The following SS18L1 variants were observed in gnomAD, a reference collection of about 807,000 sequenced individuals.
SS18L1 encodes SS18L1 subunit of BAF chromatin remodeling complex, also known as calcium-responsive transactivator.
Under a neutral mutation model 70.3 loss-of-function variants are expected in SS18L1, and 32 were observed. That is an observed-to-expected ratio of 0.46 (90% CI 0.34 to 0.61). The LOEUF is 0.61. Ranked by LOEUF, SS18L1 falls within the 20% of genes least tolerant of loss-of-function variation. SS18L1 has a pLI of 0.01. For synonymous variants in SS18L1, 237 were observed against 229.7 expected (o/e 1.03, Z -0.29); for missense variants, 430 against 542.1 (o/e 0.79, Z 2.05).
At chr20:62,170,788 CCT>C (rs1321767904) in intron 8 of SS18L1, among the ~76,000 whole-genome samples, 1 of 152,234 alleles carries the variant, frequency 6.6e-6, no homozygotes, top group African/African-American at 2.4e-5. Context: ...AGGCCTGGTC[CCT>C]GTGTGCTGGG....
rs34708339 is a variant in SS18L1 at position 62,150,633 on chromosome 20, A to ATTTTTTTTTTTTTTTTTT, written c.69+6764_69+6781dup. ...CGGAGCATAAGAAACATTGAGGTGGATTTTTTTTTTTTTTTTTTTTTTTTT... is the reference window on the plus strand; with the variant it reads ...CGGAGCATAAGAAACATTGAGGTGGATTTTTTTTTTTTTTTTTTTTTTTTTTTTTTTTTTTTTTTTTTT... On this transcript the variant is annotated intron_variant, in intron 1 of 10. Transcript: ENST00000331758. 1.9e-4 allele frequency among the ~76,000 whole-genome samples: 11 copies of ATTTTTTTTTTTTTTTTTT among 58,054 alleles called. 4 individuals carry two copies. The highest frequency in any genetic ancestry group is 6.7e-4 in the Admixed American group (3 of 4,458). The allele number at this position is 58,054 out of a possible 152,430, so 38.1% of individuals were successfully genotyped here. A position where few individuals can be genotyped will look rare whatever the true frequency, so the allele number is the denominator to read the frequency against.
At chr20:62,175,490 T>C in intron 10 of SS18L1, 4 of 979,274 alleles carry the variant, frequency 4.1e-6, no homozygotes, top group Non-Finnish European at 4.9e-6. Context: ...AGGAGGTTTG[T>C]CCCAGTGAAG....
At chr20:62,173,903 A>G (rs1198254169) in intron 9 of SS18L1, among the ~76,000 whole-genome samples, 1 of 151,458 alleles carries the variant, frequency 6.6e-6, no homozygotes, top group African/African-American at 2.4e-5. Flanking sequence ...GGTCCCAGCT[A>G]CTTGGGAGGC....
chr20:62,172,809 G>C lies in SS18L1; in HGVS notation c.1036+8G>C. 6.2e-7 allele frequency: 1 copy of C among 1,612,520 alleles called. No individual in the cohort carries two copies. The highest frequency in any genetic ancestry group is 8.5e-7 in the Non-Finnish European group (1 of 1,179,498). On this transcript the variant is annotated splice_region_variant and intron_variant, in intron 9 of 10. Transcript: ENST00000331758. ...GGCAGCAGCAGGGCTACGGTAAGAG[G>C]CGAGCACGGTCCTCGGGGCCCCCCA...
Position 62,180,309 on chromosome 20 carries a change from T to C in SS18L1, c.*1101T>C, listed in dbSNP as rs1161439678. The C allele has an allele frequency of 1.1e-5, 2 of 189,966 alleles. No homozygotes were observed. The highest frequency in any genetic ancestry group is 4.7e-5 in the African/African-American group (2 of 42,936). The allele number at this position is 189,966 out of a possible 1,614,324, so 11.8% of individuals were successfully genotyped here. On this transcript the variant is annotated 3_prime_UTR_variant, in exon 11 of 11. Transcript: ENST00000331758. ...GAAACTTGAGTAATTTTTACATTTCTAAGACATTAAATCCCATTTAAATTC... is the reference window on the plus strand; with the variant it reads ...GAAACTTGAGTAATTTTTACATTTCCAAGACATTAAATCCCATTTAAATTC...
chr20:62,170,896 T>G (rs1217833644), intron 8 of SS18L1, among the ~76,000 whole-genome samples: 3 of 151,652 alleles, frequency 2.0e-5, no homozygotes, highest in Non-Finnish European at 4.4e-5. Flanking sequence ...CTCCTTTATT[T>G]TTTTTTTTTG....
chr20:62,169,144 A>G (rs529949024), intron 8 of SS18L1, among the ~76,000 whole-genome samples: 10 of 152,218 alleles, frequency 6.6e-5, no homozygotes, highest in Admixed American at 2.0e-4. Flanking sequence ...GACAGAGCGC[A>G]GCCCCTCGTG....
chr20:62,155,320 G>A (rs762414051), intron 1 of SS18L1, among the ~76,000 whole-genome samples: 1 of 152,218 alleles, frequency 6.6e-6, no homozygotes, highest in Non-Finnish European at 1.5e-5. Flanking sequence ...GGTTGAGGTA[G>A]GAGGATCACT....
Position 62,143,802 on chromosome 20 carries a change from T to G in SS18L1, c.-19T>G. ...AGTATCCACCTCGATGACCACGGGCTGAGCCCCGCGCCGCCACCATGTCCG... is the reference window on the plus strand; with the variant it reads ...AGTATCCACCTCGATGACCACGGGCGGAGCCCCGCGCCGCCACCATGTCCG... On this transcript the variant is annotated 5_prime_UTR_variant, in exon 1 of 11. An upstream open reading frame in the 5' UTR loses its in-frame stop. Coordinates refer to ENST00000331758, the MANE Select transcript of SS18L1 (RefSeq NM_198935.3). 2 of 1,333,808 alleles carry G rather than the reference T, an allele frequency of 1.5e-6. No homozygotes were observed. The highest frequency in any genetic ancestry group is 2.0e-6 in the Non-Finnish European group (2 of 1,010,972). 82.6% of individuals were successfully genotyped at this position (1,333,808 alleles called of 1,614,324 possible).
At chr20:62,176,304 G>C (rs907740558) in intron 10 of SS18L1, among the ~76,000 whole-genome samples, 2 of 151,878 alleles carry the variant, frequency 1.3e-5, no homozygotes, top group African/African-American at 4.8e-5. Flanking sequence ...GATCACTAGA[G>C]CCCAGGAGTT....
Position 62,161,095 on chromosome 20 carries a change from C to T in SS18L1, c.232-341C>T, listed in dbSNP as rs561856535. ...GGAGCACAGAGGCGCTGGTCACCTG[C>T]GCCCGAGGGGGACGGGGTGCGTTCA... On this transcript the variant is annotated intron_variant, in intron 3 of 10. Transcript: ENST00000331758. This position sits in a 1 kb window ranked among gnomAD's most constrained non-coding sequence, Gnocchi z 4.4. Among the ~76,000 whole-genome samples the T allele has an allele frequency of 6.6e-6, 1 of 151,680 alleles. No individual in the cohort carries two copies. Among genetic ancestry groups the T allele is most frequent in the East Asian group, 1.9e-4 (1 of 5,140 alleles).
At chr20:62,163,689 G>T in intron 6 of SS18L1, 67 bp downstream of exon 6, 4 of 1,460,498 alleles carry the variant, frequency 2.7e-6, no homozygotes, top group Non-Finnish European at 3.6e-6. Context: ...GCCAGGCTGT[G>T]TGTGCTTCTC....
At chr20:62,173,281 C>A (rs1311458022) in intron 9 of SS18L1, among the ~76,000 whole-genome samples, 1 of 152,216 alleles carries the variant, frequency 6.6e-6, no homozygotes, top group African/African-American at 2.4e-5. Flanking sequence ...AAGGTGTGGG[C>A]TGCCCCAGGT....
At chr20:62,146,528 C>T (rs2057029001) in intron 1 of SS18L1, among the ~76,000 whole-genome samples, 1 of 151,460 alleles carries the variant, frequency 6.6e-6, no homozygotes, top group African/African-American at 2.4e-5. Flanking sequence ...CTGCTCTTCT[C>T]CTGGCTTCTG....
intron 9 of SS18L1, among the ~76,000 whole-genome samples, chr20:62,173,504 G>T (rs2057568042): frequency 6.6e-6 from 1 of 152,152 alleles, no homozygotes; most frequent in South Asian, 2.1e-4. Context: ...GAGGTCAGGG[G>T]TTCAAGACCA....
Position 62,143,847 on chromosome 20 carries a change from G to A in SS18L1, c.27G>A (p.Arg9=). The change falls in exon 1 of 11, where the codon CGG becomes CGA. Residue 9 remains arginine (R), a synonymous_variant. Coordinates refer to ENST00000331758, the MANE Select transcript of SS18L1 (RefSeq NM_198935.3). ...TGTCCGTGGCCTTCGCGTCTGCCCG[G>A]CCAAGAGGCAAAGGGGAGGTTACGC... is the stretch of plus-strand genomic sequence containing the variant. MSVAFASA[R]PRGKGEVTQQ... The A allele has an allele frequency of 2.3e-6, 3 of 1,324,776 alleles. No individual in the cohort carries two copies. Among genetic ancestry groups the A allele is most frequent in the Middle Eastern group, 2.2e-4 (1 of 4,522 alleles). 82.1% of individuals were successfully genotyped at this position (1,324,776 alleles called of 1,614,324 possible). A position where few individuals can be genotyped will look rare whatever the true frequency, so the allele number is the denominator to read the frequency against.
At chr20:62,168,878 G>T (rs1199475890) in intron 8 of SS18L1, among the ~76,000 whole-genome samples, 1 of 152,216 alleles carries the variant, frequency 6.6e-6, no homozygotes, top group Admixed American at 6.5e-5. Flanking sequence ...ACAGGCTGGT[G>T]CTGGAATTGT....
Position 62,161,363 on chromosome 20 carries a change from C to T in SS18L1, c.232-73C>T. ...CGGCAAATCTCGGGTGCCCTCTCAT[C>T]CCTGGCCTGGCTTGTGGAGGTCGCT... On this transcript the variant is annotated intron_variant, in intron 3 of 10. Transcript: ENST00000331758. This position sits in a 1 kb window ranked among gnomAD's most constrained non-coding sequence, Gnocchi z 4.4. 1 of 1,609,786 alleles carries T rather than the reference C, an allele frequency of 6.2e-7. No individual in the cohort carries two copies. Among genetic ancestry groups the T allele is most frequent in the Non-Finnish European group, 8.5e-7 (1 of 1,177,990 alleles).
At chr20:62,150,714 C>T (rs1173490875) in intron 1 of SS18L1, among the ~76,000 whole-genome samples, 4 of 122,276 alleles carry the variant, frequency 3.3e-5, no homozygotes, top group Non-Finnish European at 1.6e-5. Flanking sequence ...GGTGCAGTAA[C>T]GTGATCACAG....
Sources: gnomAD v4.1 joint callset for allele counts (sites outside exome capture counted in the v4.1 genomes callset) on GRCh38, gnomAD v4.1.1 for gene constraint, Gnocchi (gnomAD v3.1) non-coding constraint, MANE v1.5 for transcripts, NCBI Gene and HGNC (gene_info 2026-07-23, HGNC 2026-07-21) for gene names.